The following CNTLN variants were observed in gnomAD, a reference collection of about 807,000 sequenced individuals.
CNTLN encodes the protein centlein.
Under a neutral mutation model 180.0 loss-of-function variants are expected in CNTLN, and 212 were observed. The ratio of observed to expected loss-of-function variants is 1.18; its 90% confidence interval spans 1.05 to 1.32. The LOEUF is 1.32. Ranked by LOEUF, CNTLN falls within the 40% of genes most tolerant of loss-of-function variation. The probability of loss-of-function intolerance (pLI) is 0.00; values close to 1 mark genes in which losing one functional copy is unlikely to be tolerated. For missense variants in CNTLN, 2,095 were observed against 1,610.9 expected, an observed-to-expected ratio of 1.30 and a Z score of -5.14; for synonymous variants, 722 against 563.1, an observed-to-expected ratio of 1.28 and a Z score of -3.99.
chr9:17,477,436 A>G (rs1832413005), intron 23 of CNTLN, among the ~76,000 whole-genome samples: 1 of 152,220 alleles, frequency 6.6e-6, no homozygotes, highest in South Asian at 2.1e-4. Context: ...GGAGCTGGCC[A>G]AAGTAAATGG....
At position 17,458,326 on chromosome 9, in the gene CNTLN, G is replaced by A. The variant is rs1338089592; in HGVS notation, c.3306+611G>A. Among the ~76,000 whole-genome samples, 6 of 151,870 alleles carry A rather than the reference G, an allele frequency of 4.0e-5. No homozygotes were observed. In the East Asian group the frequency reaches 1.2e-3, roughly 29 times the overall value. On this transcript the variant is annotated intron_variant, in intron 19 of 25. Transcript: ENST00000380647. ...ACTTTGTAAGAAATAGGATTTGTGA[G>A]TGATCCTCACACTTAATTGGAAAGT...
chr9:17,154,324 C>T (rs1287225419), intron 2 of CNTLN, among the ~76,000 whole-genome samples: 1 of 152,114 alleles, frequency 6.6e-6, no homozygotes. Context: ...TGTTGGTAAC[C>T]TTTGGATGGG....
intron 6 of CNTLN, 53 bp from the exon 7 acceptor site, chr9:17,298,137 A>G: frequency 7.4e-7 from 1 of 1,347,346 alleles, no homozygotes; most frequent in Non-Finnish European, 9.6e-7. Flanking sequence ...CAATTATTTA[A>G]CTGAGATGAT....
intron 8 of CNTLN, among the ~76,000 whole-genome samples, chr9:17,328,421 A>C (rs777983198): frequency 3.3e-5 from 5 of 152,196 alleles, no homozygotes; most frequent in Non-Finnish European, 5.9e-5. Flanking sequence ...ACAGTGGGGC[A>C]CATTCTTCCC....
At chr9:17,522,081 A>G in the CNTLN span, among the ~76,000 whole-genome samples, 18 of 152,226 alleles carry the variant, frequency 1.2e-4, no homozygotes, top group East Asian at 2.5e-3. Flanking sequence ...ATTTTCTGCT[A>G]TACTTTGCTA....
At chr9:17,516,250 G>C in the CNTLN span, among the ~76,000 whole-genome samples, 1 of 152,128 alleles carries the variant, frequency 6.6e-6, no homozygotes, top group African/African-American at 2.4e-5. Flanking sequence ...GTGGTACCAT[G>C]TTGCACATAT....
At chr9:17,266,254 T>C (rs954080743) in intron 5 of CNTLN, among the ~76,000 whole-genome samples, 8 of 152,200 alleles carry the variant, frequency 5.3e-5, no homozygotes, top group African/African-American at 1.9e-4. Context: ...TTATCATTGG[T>C]TTCAAATAAC....
At chr9:17,359,730 A>AC (rs1377147345) in intron 12 of CNTLN, among the ~76,000 whole-genome samples, 2,335 of 99,934 alleles carry the variant, frequency 0.023, 229 homozygotes, top group African/African-American at 0.082. Context: ...AAATACAAAA[A>AC]AAAAAAAAAA....
intron 16 of CNTLN, among the ~76,000 whole-genome samples, chr9:17,412,249 G>A (rs962592536): frequency 8.5e-5 from 13 of 152,148 alleles, no homozygotes; most frequent in African/African-American, 3.1e-4. Context: ...TCAGTGTGGT[G>A]TCAGATGAGT....
At chr9:17,523,883 C>T in the CNTLN span, among the ~76,000 whole-genome samples, 3 of 152,170 alleles carry the variant, frequency 2.0e-5, no homozygotes, top group Non-Finnish European at 4.4e-5. Flanking sequence ...TGAACATATT[C>T]CTCCATTACA....
intron 18 of CNTLN, among the ~76,000 whole-genome samples, chr9:17,456,076 C>T (rs1177766332): frequency 6.6e-6 from 1 of 151,790 alleles, no homozygotes; most frequent in Non-Finnish European, 1.5e-5. Context: ...TGAGGGTTTG[C>T]ATTAAGAGAG....
intron 2 of CNTLN, among the ~76,000 whole-genome samples, chr9:17,203,853 G>A (rs1587131342): frequency 2.0e-5 from 3 of 152,096 alleles, no homozygotes; most frequent in Admixed American, 6.6e-5. Flanking sequence ...CACCGCACCC[G>A]GCCAAGATTA....
intron 12 of CNTLN, among the ~76,000 whole-genome samples, chr9:17,351,389 ATGTCTAC>A (rs1822350503): frequency 6.6e-6 from 1 of 152,178 alleles, no homozygotes; most frequent in South Asian, 2.1e-4. Context: ...GTATATCCAA[ATGTCTAC>A]ACAACATCTC....
chr9:17,232,310 A>C (rs1164068906), intron 3 of CNTLN, among the ~76,000 whole-genome samples: 1 of 152,020 alleles, frequency 6.6e-6, no homozygotes, highest in African/African-American at 2.4e-5. Flanking sequence ...ATCGGAATAT[A>C]ATAATTTTGG....
intron 24 of CNTLN, among the ~76,000 whole-genome samples, chr9:17,485,279 T>C (rs1832837306): frequency 6.6e-6 from 1 of 152,152 alleles, no homozygotes; most frequent in African/African-American, 2.4e-5. Flanking sequence ...CTGTATGAGA[T>C]CATCCTCTGG....
intron 12 of CNTLN, among the ~76,000 whole-genome samples, chr9:17,361,547 A>T (rs560436040): frequency 1.3e-5 from 2 of 152,216 alleles, no homozygotes; most frequent in African/African-American, 2.4e-5. Context: ...AGAAATAAAG[A>T]TTAGCCACAT....
At position 17,409,282 on chromosome 9, in the gene CNTLN, T is replaced by G. The variant is rs1587917395; in HGVS notation, c.2616-11T>G. On this transcript the variant is annotated splice_polypyrimidine_tract_variant and intron_variant, in intron 15 of 25. Coordinates refer to ENST00000380647, the MANE Select transcript of CNTLN (RefSeq NM_017738.4). ...TTCTTGGATTTTATGTCCCTACTTT[T>G]TTCTAAAAAGCAGTGATTCTGAAGC... The G allele has an allele frequency of 2.5e-6, 4 of 1,602,566 alleles. No individual in the cohort carries two copies. The highest frequency in any genetic ancestry group is 3.4e-6 in the Non-Finnish European group (4 of 1,177,074).
In CNTLN at chr9:17,394,660, A is replaced by G. The variant is rs758537767; in HGVS notation, c.2206A>G (p.Thr736Ala). Residue 736 changes from threonine to alanine, a missense_variant, in exon 15 of 26, where the codon ACA (threonine) becomes GCA (alanine). By Grantham distance (58) the Thr-to-Ala change is moderately conservative. Transcript: ENST00000380647. The stretch of plus-strand genomic sequence containing the variant: ...CCTCTTAAAACAGCAACAAGAAGAT[A>G]CAGAGACCAGAGAAAAAGAGCTAGA... ...KSLLKQQQED[T>A]ETREKELEQI... 1 of 1,612,972 alleles carries G rather than the reference A, an allele frequency of 6.2e-7. No individual in the cohort carries two copies. The highest frequency in any genetic ancestry group is 8.5e-7 in the Non-Finnish European group (1 of 1,179,418).
At chr9:17,269,761 T>G (rs903436427) in intron 5 of CNTLN, among the ~76,000 whole-genome samples, 2 of 152,186 alleles carry the variant, frequency 1.3e-5, no homozygotes, top group Admixed American at 1.3e-4. Flanking sequence ...TGTATTATTC[T>G]TTTAGTTCCA....
Sources: gnomAD v4.1 joint callset for allele counts (sites outside exome capture counted in the v4.1 genomes callset) on GRCh38, gnomAD v4.1.1 for gene constraint, MANE v1.5 for transcripts, NCBI Gene and HGNC (gene_info 2026-07-23, HGNC 2026-07-21) for gene names.